The following ARL15 variants were observed in gnomAD, a reference collection of about 807,000 sequenced individuals.
The protein encoded by ARL15 is ADP-ribosylation factor-like protein 15.
ARL15 carries 19 observed loss-of-function variants against 25.2 expected under a neutral mutation model. That is an observed-to-expected ratio of 0.75 (90% CI 0.53 to 1.10). The LOEUF is 1.10. Among genes scored for constraint, ARL15 ranks in the 50% least tolerant of loss-of-function variants. The pLI is 0.00. For missense variants in ARL15, 220 were observed against 246.0 expected, an observed-to-expected ratio of 0.89 and a Z score of 0.71; for synonymous variants, 94 against 86.8, an observed-to-expected ratio of 1.08 and a Z score of -0.46.
chr5:54,060,522 C>A (rs1213315756), intron 4 of ARL15, among the ~76,000 whole-genome samples: 2 of 152,164 alleles, frequency 1.3e-5, no homozygotes, highest in Admixed American at 6.5e-5. Context: ...TGCTGCCATC[C>A]ACGTAAGATG....
At chr5:54,152,257 T>C (rs1754088636) in intron 3 of ARL15, among the ~76,000 whole-genome samples, 1 of 152,164 alleles carries the variant, frequency 6.6e-6, no homozygotes, top group Non-Finnish European at 1.5e-5. Context: ...CCAGTCATAA[T>C]TCCCCCTAAG....
chr5:54,293,086 GA>G (rs1412394098), intron 1 of ARL15, among the ~76,000 whole-genome samples: 1 of 152,152 alleles, frequency 6.6e-6, no homozygotes, highest in Non-Finnish European at 1.5e-5. Flanking sequence ...GGGGTGGGGG[GA>G]AAGATCAAGT....
chr5:54,218,630 G>T (rs1018686785), intron 1 of ARL15, among the ~76,000 whole-genome samples: 3 of 152,136 alleles, frequency 2.0e-5, no homozygotes, highest in Non-Finnish European at 2.9e-5. Context: ...TTTAGTTGGT[G>T]GGGAAGTCGT....
intron 3 of ARL15, among the ~76,000 whole-genome samples, chr5:54,126,775 A>G (rs1345343826): frequency 6.6e-6 from 1 of 152,040 alleles, no homozygotes; most frequent in Non-Finnish European, 1.5e-5. Context: ...ATGCCTTCGA[A>G]CTTCCCAGCC....
intron 1 of ARL15, among the ~76,000 whole-genome samples, chr5:54,175,240 T>G (rs1028447423): frequency 6.6e-6 from 1 of 152,216 alleles, no homozygotes; most frequent in African/African-American, 2.4e-5. Context: ...TTTTACCTGT[T>G]TATTCTAGGT....
At chr5:54,063,767 C>T (rs1158351832) in intron 4 of ARL15, among the ~76,000 whole-genome samples, 4 of 152,162 alleles carry the variant, frequency 2.6e-5, no homozygotes, top group Non-Finnish European at 4.4e-5. Context: ...TGGACTAACA[C>T]AAATTACCAC....
rs1010008853 is a variant in ARL15 at position 54,018,266 on chromosome 5, C to T, written c.462+94936G>A. Among the ~76,000 whole-genome samples the T allele has an allele frequency of 5.3e-5, 8 of 151,936 alleles. No individual in the cohort carries two copies. In the South Asian group the frequency reaches 1.2e-3, roughly 24 times the overall value. On this transcript the variant is annotated intron_variant, in intron 4 of 4. Transcript: ENST00000504924. ...AGTGGATTGATTTATAATTTGTTGC[C>T]TTTTGTCTTTTTCAACAGTATGTCA...
intron 4 of ARL15, among the ~76,000 whole-genome samples, chr5:53,964,170 T>G (rs1272740927): frequency 6.6e-6 from 1 of 152,022 alleles, no homozygotes; most frequent in Non-Finnish European, 1.5e-5. Context: ...GGACAGGAGG[T>G]GGCACTCATT....
intron 1 of ARL15, among the ~76,000 whole-genome samples, chr5:54,230,220 G>A (rs561030565): frequency 5.9e-5 from 9 of 151,888 alleles, no homozygotes; most frequent in African/African-American, 1.7e-4. Context: ...GGTGGCAGGT[G>A]CCTGTAGTCC....
At chr5:54,249,107 G>A (rs1217300296) in intron 1 of ARL15, among the ~76,000 whole-genome samples, 2 of 152,090 alleles carry the variant, frequency 1.3e-5, no homozygotes, top group Non-Finnish European at 2.9e-5. Context: ...AACAGAAGAA[G>A]AGCAACCCAA....
chr5:54,245,542 A>G (rs1033627954), intron 1 of ARL15, among the ~76,000 whole-genome samples: 1 of 152,172 alleles, frequency 6.6e-6, no homozygotes, highest in East Asian at 1.9e-4. Flanking sequence ...CAAGTTCAAA[A>G]ATGCTCCCTG....
At chr5:54,020,452 C>T (rs1015211885) in intron 4 of ARL15, among the ~76,000 whole-genome samples, 15 of 152,140 alleles carry the variant, frequency 9.9e-5, no homozygotes, top group Non-Finnish European at 2.2e-4. Flanking sequence ...TGCCTACCCA[C>T]CAGATGCCAA....
chr5:54,094,981 T>C (rs951298268), intron 4 of ARL15, among the ~76,000 whole-genome samples: 16 of 152,232 alleles, frequency 1.1e-4, no homozygotes, highest in Non-Finnish European at 2.1e-4. Flanking sequence ...CACAACTATA[T>C]GAATGAAAGA....
rs536150833 is a variant in ARL15 at position 53,945,938 on chromosome 5, G to T, written c.463-59225C>A. Reference sequence around the variant, plus strand: ...CAGCATCAGACAGCAGCACAAGTCAGCAGCACTGAAGTGGAGACACCACAG... The same window carrying T: ...CAGCATCAGACAGCAGCACAAGTCATCAGCACTGAAGTGGAGACACCACAG... On this transcript the variant is annotated intron_variant, in intron 4 of 4. Coordinates refer to ENST00000504924, the MANE Select transcript of ARL15 (RefSeq NM_019087.3). 9.2e-5 allele frequency among the ~76,000 whole-genome samples: 14 copies of T among 152,318 alleles called. No individual in the cohort carries two copies. The South Asian group carries it at 2.5e-3, about 27-fold the overall frequency.
chr5:54,265,521 G>A (rs1180159175), intron 1 of ARL15, among the ~76,000 whole-genome samples: 1 of 152,132 alleles, frequency 6.6e-6, no homozygotes, highest in Non-Finnish European at 1.5e-5. Flanking sequence ...CTGTATTCAG[G>A]CACTTTGCAA....
chr5:54,273,416 C>T (rs1757842141), intron 1 of ARL15, among the ~76,000 whole-genome samples: 1 of 152,092 alleles, frequency 6.6e-6, no homozygotes, highest in South Asian at 2.1e-4. Flanking sequence ...CACGAAGAAA[C>T]AATTAGACAA....
In ARL15 at chr5:54,101,229, T is replaced by C. The variant is rs566177469; in HGVS notation, c.462+11973A>G. 2.0e-5 allele frequency among the ~76,000 whole-genome samples: 3 copies of C among 152,218 alleles called. No individual in the cohort carries two copies. In the East Asian group the frequency reaches 5.8e-4, roughly 29 times the overall value. The stretch of plus-strand genomic sequence containing the variant: ...CTCTTCCTTTAACATCTTAAAAATA[T>C]GATACAACTTTAAATAACATATATT... On this transcript the variant is annotated intron_variant, in intron 4 of 4. Coordinates refer to ENST00000504924, the MANE Select transcript of ARL15 (RefSeq NM_019087.3).
At chr5:53,953,831 G>A (rs116139483) in intron 4 of ARL15, among the ~76,000 whole-genome samples, 2,639 of 152,200 alleles carry the variant, frequency 0.017, 82 homozygotes, top group African/African-American at 0.061. Context: ...ATTCAAAAGT[G>A]ACAAGCAATA....
chr5:53,933,446 C>T (rs1409839520), intron 4 of ARL15, among the ~76,000 whole-genome samples: 4 of 151,918 alleles, frequency 2.6e-5, no homozygotes, highest in South Asian at 2.1e-4. Flanking sequence ...GAGATCGAGA[C>T]CATTCTGGCT....
Sources: allele counts gnomAD v4.1 joint callset (sites outside exome capture counted in the v4.1 genomes callset), GRCh38; gene constraint gnomAD v4.1.1; transcripts MANE v1.5; gene names NCBI Gene and HGNC (gene_info 2026-07-23, HGNC 2026-07-21).